ZNF766: variants seen among roughly 807,000 people sequenced by gnomAD.
ZNF766 encodes the protein zinc finger protein 766.
Under a neutral mutation model 13.2 loss-of-function variants are expected in ZNF766, and 13 were observed. The ratio of observed to expected loss-of-function variants is 0.98; its 90% CI spans 0.64 to 1.56. ZNF766 has a LOEUF of 1.56. Among genes scored for constraint, ZNF766 ranks in the 40% most tolerant of loss-of-function variants. The probability of loss-of-function intolerance (pLI) is 0.00; values close to 1 mark genes in which losing one functional copy is unlikely to be tolerated. For missense variants in ZNF766, 521 were observed against 552.2 expected, an observed-to-expected ratio of 0.94 and a Z score of 0.57; for synonymous variants, 178 against 187.6, an observed-to-expected ratio of 0.95 and a Z score of 0.42.
chr19:52,283,415 T>TA lies in ZNF766; in HGVS notation c.274+4dup. 3.8e-6 allele frequency: 6 copies of TA among 1,583,788 alleles called. No homozygotes were observed. Among genetic ancestry groups the TA allele is most frequent in the African/African-American group, 2.7e-5 (2 of 73,838 alleles). ...AAGGTATCAAAGATATCAACACAGG[T>TA]AAGAGCTCAGATGGACAGAGTGAAA... is the stretch of plus-strand genomic sequence containing the variant. On this transcript the variant is annotated splice_region_variant and intron_variant, in intron 3 of 3. Transcript: ENST00000439461.
chr19:52,290,251 T>C lies in ZNF766; in HGVS notation c.460T>C (p.Ser154Pro). The C allele has an allele frequency of 6.2e-7, 1 of 1,613,956 alleles. No individual in the cohort carries two copies. The highest frequency in any genetic ancestry group is 1.1e-5 in the South Asian group (1 of 91,072). The change falls in exon 4 of 4, where the codon TCT (serine) becomes CCT (proline). Residue 154 changes from serine to proline, a missense_variant. Coordinates refer to ENST00000439461, the MANE Select transcript of ZNF766 (RefSeq NM_001010851.3). ...AGTTTCGCCACTTCAAAGAATTTAC[T>C]CTGGGGTCAAAACCCACATATTTAA... ...SSVSPLQRIYSGVKTHIFNKH... is the reference protein window; with the variant it reads ...SSVSPLQRIYPGVKTHIFNKH...
chr19:52,290,122 G>C lies in ZNF766; in HGVS notation c.331G>C (p.Gly111Arg), dbSNP rs1297036434. ...AGNKPITNQL[G>R]LTFQLPLPEL... ...AAACAAGCCTATTACAAATCAACTT[G>C]GATTAACCTTTCAGTTACCTCTGCC... Residue 111 changes from glycine (G) to arginine (R), a missense_variant, in exon 4 of 4, where the codon GGA (glycine) becomes CGA (arginine). Transcript: ENST00000439461. The C allele has an allele frequency of 2.5e-6, 4 of 1,614,038 alleles. No homozygotes were observed. The highest frequency in any genetic ancestry group is 3.4e-6 in the Non-Finnish European group (4 of 1,179,970).
In ZNF766 at chr19:52,295,882, GTTTGT is replaced by G. The variant is rs997373171; in HGVS notation, c.*4693_*4697del. On this transcript the variant is annotated 3_prime_UTR_variant, in exon 4 of 4. Coordinates refer to ENST00000439461, the MANE Select transcript of ZNF766 (RefSeq NM_001010851.3). ...TCCAGGTTTTTTGGGATTTCTGTTG[GTTTGT>G]TTTGTTTTTTGCTTTTCTACATAAT... 2 of 151,644 alleles carry G rather than the reference GTTTGT, an allele frequency of 1.3e-5. No individual in the cohort carries two copies. Among genetic ancestry groups the G allele is most frequent in the Non-Finnish European group, 2.9e-5 (2 of 67,936 alleles). The allele number at this position is 151,644 out of a possible 1,614,324, so 9.4% of individuals were successfully genotyped here.
At chr19:52,280,039 G>T (rs976045896) in intron 1 of ZNF766, among the ~76,000 whole-genome samples, 1 of 151,760 alleles carries the variant, frequency 6.6e-6, no homozygotes, top group Non-Finnish European at 1.5e-5. Context: ...CAGGTGATCC[G>T]CCCGCCTCAG....
intron 1 of ZNF766, chr19:52,281,811 A>G (rs750352056): frequency 2.1e-5 from 11 of 523,924 alleles, no homozygotes; most frequent in South Asian, 1.4e-4. Flanking sequence ...AGTGATATTC[A>G]TTGTCTACCT....
At chr19:52,288,279 C>T (rs1981933686) in intron 3 of ZNF766, among the ~76,000 whole-genome samples, 1 of 152,138 alleles carries the variant, frequency 6.6e-6, no homozygotes, top group African/African-American at 2.4e-5. Context: ...CCTTGGCCTC[C>T]CAAAGTGCTG....
At chr19:52,284,493 T>C (rs2434421) in intron 3 of ZNF766, among the ~76,000 whole-genome samples, 90,160 of 152,004 alleles carry the variant, frequency 0.59, 26,917 homozygotes, top group South Asian at 0.63. Context: ...TCTCACATGC[T>C]ACTTGGCACA....
chr19:52,277,400 A>G, intron 1 of ZNF766: 6 of 1,340,010 alleles, frequency 4.5e-6, no homozygotes, highest in Non-Finnish European at 6.2e-6. Flanking sequence ...CGGAGCTTGC[A>G]GTGAGCTGAG....
chr19:52,283,341 TGG>T lies in ZNF766; in HGVS notation c.203_204del (p.Trp68TyrfsTer5). ...CATGATGAAGCAAAGGACAGAGCCCTGGACTGTGGAGAATGAAATGAAAGTAG... is the reference window on the plus strand; with the variant it reads ...CATGATGAAGCAAAGGACAGAGCCCTACTGTGGAGAATGAAATGAAAGTAG... ...ISMMKQRTEPWTVENEMKVAK... is the reference protein window; with the variant it reads ...ISMMKQRTEPXTVENEMKVAK... On this transcript the variant is annotated frameshift_variant, in exon 3 of 4. Coordinates refer to ENST00000439461, the MANE Select transcript of ZNF766 (RefSeq NM_001010851.3). LOFTEE classifies it high-confidence loss of function. The T allele has an allele frequency of 6.2e-7, 1 of 1,613,914 alleles. No individual in the cohort carries two copies. Among genetic ancestry groups the T allele is most frequent in the East Asian group, 2.2e-5 (1 of 44,874 alleles).
At chr19:52,276,749 G>A (rs1981221499) in intron 1 of ZNF766, among the ~76,000 whole-genome samples, 1 of 152,162 alleles carries the variant, frequency 6.6e-6, no homozygotes, top group Non-Finnish European at 1.5e-5. Context: ...TGGATAAAGG[G>A]ATTTTACTGT....
chr19:52,277,481 G>C (rs752964992), intron 1 of ZNF766: 10 of 1,565,306 alleles, frequency 6.4e-6, no homozygotes, highest in Admixed American at 3.7e-5. Context: ...AAAAAGTCAT[G>C]TTATGTGAAG....
chr19:52,286,666 T>C (rs1335082498), intron 3 of ZNF766, among the ~76,000 whole-genome samples: 1 of 152,198 alleles, frequency 6.6e-6, no homozygotes, highest in Non-Finnish European at 1.5e-5. Flanking sequence ...TATTCTGTTA[T>C]TGTGGGATAT....
chr19:52,292,119 T>G lies in ZNF766; in HGVS notation c.*921T>G. 1 of 701,910 alleles carries G rather than the reference T, an allele frequency of 1.4e-6. No individual in the cohort carries two copies. Among genetic ancestry groups the G allele is most frequent in the Non-Finnish European group, 2.6e-6 (1 of 384,690 alleles). The allele number at this position is 701,910 out of a possible 1,614,324, so 43.5% of individuals were successfully genotyped here. On this transcript the variant is annotated 3_prime_UTR_variant, in exon 4 of 4. Coordinates refer to ENST00000439461, the MANE Select transcript of ZNF766 (RefSeq NM_001010851.3). ...AGTTTTTATGACTTCAACCTGAACTTTGAAATTTCTTCATGTGCCTTCCCT... is the reference window on the plus strand; with the variant it reads ...AGTTTTTATGACTTCAACCTGAACTGTGAAATTTCTTCATGTGCCTTCCCT...
intron 3 of ZNF766, among the ~76,000 whole-genome samples, chr19:52,287,549 G>A (rs1419426064): frequency 6.6e-6 from 1 of 152,202 alleles, no homozygotes; most frequent in African/African-American, 2.4e-5. Flanking sequence ...CAGATTTTGA[G>A]GATTGGTGTT....
intron 1 of ZNF766, among the ~76,000 whole-genome samples, chr19:52,277,838 T>A (rs1007764931): frequency 6.6e-6 from 1 of 152,080 alleles, no homozygotes; most frequent in East Asian, 1.9e-4. Context: ...GCAGGGATTG[T>A]TCAGGGGCCA....
intron 3 of ZNF766, among the ~76,000 whole-genome samples, chr19:52,288,901 A>G (rs951260862): frequency 1.3e-5 from 2 of 152,144 alleles, no homozygotes; most frequent in Non-Finnish European, 2.9e-5. Flanking sequence ...GCTGGAGTGC[A>G]GTGGCACGAT....
In ZNF766 at chr19:52,291,129, G is replaced by T; in HGVS notation, c.1338G>T (p.Lys446Asn). 6.2e-7 allele frequency: 1 copy of T among 1,613,616 alleles called. No homozygotes were observed. The highest frequency in any genetic ancestry group is 8.5e-7 in the Non-Finnish European group (1 of 1,179,664). ...EKPYKCHVCG[K>N]VFRHSSWFVQ... is the part of the protein sequence containing the mutation. ...CTTACAAATGCCATGTGTGTGGTAA[G>T]GTCTTTAGGCACAGTTCATGGTTTG... Residue 446 changes from lysine to asparagine, a missense_variant, in exon 4 of 4, where the codon AAG becomes AAT. Physicochemically the swap from Lys to Asn is moderately conservative, Grantham distance 94. Transcript: ENST00000439461.
intron 1 of ZNF766, among the ~76,000 whole-genome samples, chr19:52,271,543 G>A (rs1031587128): frequency 6.6e-6 from 1 of 152,190 alleles, no homozygotes; most frequent in Non-Finnish European, 1.5e-5. Context: ...TTGTGCACCA[G>A]GTGCCAGCCC....
chr19:52,285,130 C>T (rs948387624), intron 3 of ZNF766: 1 of 152,186 alleles, frequency 6.6e-6, no homozygotes, highest in African/African-American at 2.4e-5. Flanking sequence ...ACTTGAGCAT[C>T]ACACATTTTG....
Sources: allele counts gnomAD v4.1 joint callset (sites outside exome capture counted in the v4.1 genomes callset), GRCh38; gene constraint gnomAD v4.1.1; transcripts MANE v1.5; gene names NCBI Gene and HGNC (gene_info 2026-07-23, HGNC 2026-07-21).